The following CREB5 variants were observed in gnomAD, a reference collection of about 807,000 sequenced individuals.
The protein encoded by CREB5 is cAMP responsive element binding protein 5.
A neutral mutation model predicts 57.1 loss-of-function variants in CREB5; 19 were observed. The observed-to-expected ratio is 0.33, with a 90% CI of 0.23 to 0.49. The LOEUF is 0.49. Among genes scored for constraint, CREB5 ranks in the 20% least tolerant of loss-of-function variants. CREB5 has a pLI of 0.99. For synonymous variants in CREB5, 238 were observed against 238.3 expected, an observed-to-expected ratio of 1.00 and a Z score of 0.01; for missense variants, 579 against 671.6, an observed-to-expected ratio of 0.86 and a Z score of 1.52.
upstream of CREB5, among the ~76,000 whole-genome samples, chr7:28,408,892 G>A (rs909669367): frequency 1.3e-5 from 2 of 152,012 alleles, no homozygotes; most frequent in African/African-American, 2.4e-5. Context: ...GGGGAGGGAG[G>A]AGCGTCCTGC....
At chr7:28,685,678 T>C (rs1231357019) in intron 5 of CREB5, among the ~76,000 whole-genome samples, 1 of 151,862 alleles carries the variant, frequency 6.6e-6, no homozygotes, top group African/African-American at 2.4e-5. Flanking sequence ...TTTTTTTTTT[T>C]TTTTTAACCA....
At chr7:28,769,258 T>G (rs1806190484) in intron 7 of CREB5, among the ~76,000 whole-genome samples, 1 of 152,250 alleles carries the variant, frequency 6.6e-6, no homozygotes, top group Admixed American at 6.5e-5. Flanking sequence ...AAAAAACGTG[T>G]CCTAGACTAG....
At chr7:28,588,843 G>A (rs1304514659) in intron 5 of CREB5, among the ~76,000 whole-genome samples, 1 of 152,156 alleles carries the variant, frequency 6.6e-6, no homozygotes, top group Non-Finnish European at 1.5e-5. Context: ...TTTTGAGATT[G>A]TGAATCTGGA....
intron 5 of CREB5, among the ~76,000 whole-genome samples, chr7:28,714,567 C>G (rs1037322481): frequency 2.0e-5 from 3 of 152,302 alleles, no homozygotes; most frequent in East Asian, 3.9e-4. Flanking sequence ...TTTCAGACAC[C>G]CCTAGACAGG....
intron 5 of CREB5, among the ~76,000 whole-genome samples, chr7:28,700,608 C>T (rs1801804691): frequency 6.6e-6 from 1 of 152,162 alleles, no homozygotes; most frequent in African/African-American, 2.4e-5. Context: ...CTAAAATCGG[C>T]CCTCTGCAGG....
intron 1 of CREB5, among the ~76,000 whole-genome samples, chr7:28,388,549 A>G (rs1427430236): frequency 2.0e-5 from 3 of 152,192 alleles, no homozygotes; most frequent in Admixed American, 6.5e-5. Context: ...GAGCTCAACA[A>G]TTAAATGGTT....
At chr7:28,473,153 T>C (rs34028824) in intron 1 of CREB5, among the ~76,000 whole-genome samples, 61,300 of 151,788 alleles carry the variant, frequency 0.4, 13,397 homozygotes, top group East Asian at 0.63. Context: ...TGGGACCCCA[T>C]CTCTACAAAA....
intron 1 of CREB5, among the ~76,000 whole-genome samples, chr7:28,372,591 T>C (rs1307373257): frequency 6.6e-6 from 1 of 152,256 alleles, no homozygotes; most frequent in Non-Finnish European, 1.5e-5. Flanking sequence ...ACTGGGACGA[T>C]AGTGTTATTG....
chr7:28,472,164 A>C (rs1412489054), intron 1 of CREB5, among the ~76,000 whole-genome samples: 10 of 109,654 alleles, frequency 9.1e-5, no homozygotes, highest in Non-Finnish European at 1.2e-4. Flanking sequence ...AAAAAAAAAA[A>C]AACATAGTAA....
chr7:28,326,925 A>C lies in CREB5; in HGVS notation c.-25+27484A>C, dbSNP rs539690343. On this transcript the variant is annotated intron_variant, in intron 1 of 9. Coordinates refer to the CREB5 transcript ENST00000396299. Reference sequence around the variant, plus strand: ...TGGCAGGTAGGTCATGAAGTCAGGCAGATCACGAGGTCAGGAGTTCAAGAC... The same window carrying C: ...TGGCAGGTAGGTCATGAAGTCAGGCCGATCACGAGGTCAGGAGTTCAAGAC... Among the ~76,000 whole-genome samples, 192 of 152,238 alleles carry C rather than the reference A, an allele frequency of 1.3e-3. 3 individuals carry two copies. The highest frequency in any genetic ancestry group is 5.9e-5 in the Non-Finnish European group (4 of 68,008).
intron 4 of CREB5, among the ~76,000 whole-genome samples, chr7:28,531,437 G>C (rs1030593404): frequency 6.6e-5 from 10 of 152,080 alleles, no homozygotes; most frequent in African/African-American, 2.4e-4. Context: ...TGTTCATATG[G>C]TGTTCATCCT....
intron 1 of CREB5, among the ~76,000 whole-genome samples, chr7:28,370,599 T>C (rs913401062): frequency 1.3e-5 from 2 of 152,212 alleles, no homozygotes; most frequent in Non-Finnish European, 2.9e-5. Context: ...GGGGAAAATA[T>C]ATTTTATACT....
At chr7:28,455,978 G>C (rs777029817) in intron 1 of CREB5, among the ~76,000 whole-genome samples, 2 of 152,166 alleles carry the variant, frequency 1.3e-5, no homozygotes, top group African/African-American at 2.4e-5. Context: ...AAGTGTTACT[G>C]ACCTGATCAA....
At chr7:28,788,284 C>A (rs974676803) in intron 7 of CREB5, among the ~76,000 whole-genome samples, 2 of 152,114 alleles carry the variant, frequency 1.3e-5, no homozygotes, top group African/African-American at 2.4e-5. Context: ...AAAAGTGTCT[C>A]CAGATGTTGC....
chr7:28,702,633 C>A (rs1327213419), intron 5 of CREB5, among the ~76,000 whole-genome samples: 1 of 152,128 alleles, frequency 6.6e-6, no homozygotes, highest in Non-Finnish European at 1.5e-5. Context: ...ATGATTTTAC[C>A]CAAATGCATA....
intron 1 of CREB5, among the ~76,000 whole-genome samples, chr7:28,477,093 T>A (rs1791105125): frequency 6.6e-6 from 1 of 152,224 alleles, no homozygotes; most frequent in South Asian, 2.1e-4. Context: ...ATGAGACCTG[T>A]GTCCTTGGTT....
At chr7:28,404,722 G>C (rs1023926275) in intron 1 of CREB5, among the ~76,000 whole-genome samples, 1 of 152,180 alleles carries the variant, frequency 6.6e-6, no homozygotes, top group African/African-American at 2.4e-5. Flanking sequence ...CTGTCTGTCT[G>C]GAATGGCTTT....
At chr7:28,718,469 C>G (rs571005928) in intron 5 of CREB5, among the ~76,000 whole-genome samples, 1 of 152,220 alleles carries the variant, frequency 6.6e-6, no homozygotes, top group Admixed American at 6.5e-5. Context: ...TCCTAAGATG[C>G]GAGCGTTTAG....
intron 1 of CREB5, among the ~76,000 whole-genome samples, chr7:28,357,364 G>T (rs749465535): frequency 1.3e-5 from 2 of 152,092 alleles, no homozygotes; most frequent in African/African-American, 4.8e-5. Context: ...GCAAGCAGAC[G>T]TCTTTACTGG....
Sources: allele counts gnomAD v4.1 joint callset (sites outside exome capture counted in the v4.1 genomes callset), GRCh38; gene constraint gnomAD v4.1.1; transcripts MANE v1.5; gene names NCBI Gene and HGNC (gene_info 2026-07-23, HGNC 2026-07-21).